INTS7: variants seen among roughly 807,000 people sequenced by gnomAD.
INTS7 encodes the protein chromosome 1 open reading frame 73.
INTS7 carries 46 observed loss-of-function variants against 109.2 expected under a neutral mutation model. The observed-to-expected ratio is 0.42, with a 90% CI of 0.33 to 0.54. INTS7 has a LOEUF of 0.54. Ranked by LOEUF, INTS7 falls within the 20% of genes least tolerant of loss-of-function variation. INTS7 has a pLI of 0.07. For missense variants in INTS7, 929 were observed against 1,132.4 expected (o/e 0.82, Z 2.58); for synonymous variants, 412 against 402.9 (o/e 1.02, Z -0.27).
intron 12 of INTS7, 59 bp from the exon 13 acceptor site, chr1:211,975,431 A>G (rs1194600365): frequency 3.8e-6 from 5 of 1,319,212 alleles, no homozygotes; most frequent in Non-Finnish European, 5.4e-6. Context: ...AGGTTCTTAC[A>G]TTTGAAAGAG....
intron 7 of INTS7, among the ~76,000 whole-genome samples, chr1:212,001,030 A>G (rs1024099948): frequency 5.3e-5 from 8 of 149,914 alleles, no homozygotes; most frequent in Admixed American, 4.0e-4. Flanking sequence ...TAGCAATACC[A>G]TATCATTTCT....
At chr1:211,988,192 G>A (rs1664983357) in intron 7 of INTS7, among the ~76,000 whole-genome samples, 189 bp from the exon 8 acceptor site, 1 of 152,040 alleles carries the variant, frequency 6.6e-6, no homozygotes, top group African/African-American at 2.4e-5. Flanking sequence ...GGAGGCTGAG[G>A]TGGGAGGATC....
chr1:211,986,431 T>C (rs1410604915), intron 8 of INTS7, among the ~76,000 whole-genome samples: 4 of 152,126 alleles, frequency 2.6e-5, no homozygotes, highest in African/African-American at 7.2e-5. Context: ...TAACTGATAA[T>C]GTACTTCAGA....
At chr1:212,015,817 A>G (rs1338253555) in intron 4 of INTS7, among the ~76,000 whole-genome samples, 2 of 151,262 alleles carry the variant, frequency 1.3e-5, no homozygotes, top group Non-Finnish European at 3.0e-5. Flanking sequence ...GCCAAGATAT[A>G]GAGATATAGA....
chr1:212,035,539 C>G lies in INTS7; in HGVS notation c.-102G>C. 1 of 961,524 alleles carries G rather than the reference C, an allele frequency of 1.0e-6. No individual in the cohort carries two copies. The highest frequency in any genetic ancestry group is 1.6e-6 in the Non-Finnish European group (1 of 606,200). The allele number at this position is 961,524 out of a possible 1,614,324, so 59.6% of individuals were successfully genotyped here. A position where few individuals can be genotyped will look rare whatever the true frequency, so the allele number is the denominator to read the frequency against. The stretch of plus-strand genomic sequence containing the variant: ...CCTTCTTGCTGGTTTTTCTTCCGCG[C>G]GCTGTCAAGCCCTGTTACGCATGCG... On this transcript the variant is annotated 5_prime_UTR_variant, in exon 1 of 20. Coordinates refer to ENST00000366994, the MANE Select transcript of INTS7 (RefSeq NM_015434.4).
intron 16 of INTS7, among the ~76,000 whole-genome samples, chr1:211,953,027 C>A (rs1663178128): frequency 6.6e-6 from 1 of 152,106 alleles, no homozygotes; most frequent in South Asian, 2.1e-4. Context: ...ATCAATAAAG[C>A]CAGCAGATAA....
chr1:212,011,572 G>A lies in INTS7; in HGVS notation c.510-151C>T, dbSNP rs921961666. The A allele has an allele frequency of 3.7e-5, 22 of 600,112 alleles. 1 individual carries two copies. The highest frequency in any genetic ancestry group is 2.3e-4 in the Admixed American group (7 of 29,856). 37.2% of individuals were successfully genotyped at this position (600,112 alleles called of 1,614,324 possible). A position where few individuals can be genotyped will look rare whatever the true frequency, so the allele number is the denominator to read the frequency against. On this transcript the variant is annotated intron_variant, in intron 4 of 19. Transcript: ENST00000366994. ...AAGGTCAGGTGCTCGGGTTAGGGGA[G>A]GTGGTAAGAAACACAACTAAAACAA...
rs554698041 is a variant in INTS7 at position 211,940,657 on chromosome 1, GT to G, written c.*1166del. On this transcript the variant is annotated 3_prime_UTR_variant, in exon 20 of 20. Coordinates refer to ENST00000366994, the MANE Select transcript of INTS7 (RefSeq NM_015434.4). ...CAGAATTAAAATAGGAAAAAAGGGG[GT>G]TTTCTGGCTAACCAGAAAACTCTGT... 3.3e-5 allele frequency: 5 copies of G among 152,186 alleles called. No homozygotes were observed. The highest frequency in any genetic ancestry group is 1.2e-4 in the African/African-American group (5 of 41,532). The allele number at this position is 152,186 out of a possible 1,614,324, so 9.4% of individuals were successfully genotyped here.
At chr1:212,003,154 T>C (rs1402299221) in intron 7 of INTS7, among the ~76,000 whole-genome samples, 2 of 151,958 alleles carry the variant, frequency 1.3e-5, no homozygotes, top group African/African-American at 4.8e-5. Flanking sequence ...TCTGAAGAAA[T>C]TACAAGTAAC....
intron 7 of INTS7, among the ~76,000 whole-genome samples, chr1:211,995,859 G>A (rs1665358249): frequency 6.6e-6 from 1 of 152,108 alleles, no homozygotes; most frequent in Non-Finnish European, 1.5e-5. Flanking sequence ...GACAGAAAGT[G>A]GGCCCTCACC....
chr1:211,942,175 T>TAGG lies in INTS7; in HGVS notation c.2602-67_2602-65dup, dbSNP rs1662660338. On this transcript the variant is annotated intron_variant, in intron 19 of 19. Coordinates refer to ENST00000366994, the MANE Select transcript of INTS7 (RefSeq NM_015434.4). The surrounding 1 kb of genome is among the most constrained non-coding windows in gnomAD (Gnocchi z 4.2). Reference sequence around the variant, plus strand: ...CATTTCTTCAGTGCTTACTATGAGTTAGGCCCTGTTCTAAGAGCTTATTTA... The same window carrying TAGG: ...CATTTCTTCAGTGCTTACTATGAGTTAGGAGGCCCTGTTCTAAGAGCTTATTTA... 6.5e-7 allele frequency: 1 copy of TAGG among 1,540,674 alleles called. No individual in the cohort carries two copies. Among genetic ancestry groups the TAGG allele is most frequent in the Non-Finnish European group, 8.9e-7 (1 of 1,129,150 alleles).
intron 7 of INTS7, among the ~76,000 whole-genome samples, chr1:211,998,080 T>A (rs916803673): frequency 6.6e-6 from 1 of 152,166 alleles, no homozygotes; most frequent in East Asian, 1.9e-4. Context: ...CAGCTCAGTC[T>A]CCCAAGTAGC....
intron 10 of INTS7, among the ~76,000 whole-genome samples, 183 bp from the exon 11 acceptor site, chr1:211,978,694 G>A (rs896771984): frequency 1.5e-4 from 23 of 150,900 alleles, no homozygotes; most frequent in African/African-American, 5.6e-4. Flanking sequence ...AGTGCACTAC[G>A]TTTAAAATAA....
intron 2 of INTS7, chr1:212,020,699 T>C (rs1180003627): frequency 5.0e-6 from 5 of 998,452 alleles, no homozygotes; most frequent in South Asian, 4.4e-5. Flanking sequence ...AAAAAGCAAA[T>C]AGGCATGTAT....
At position 211,959,988 on chromosome 1, in the gene INTS7, T is replaced by G. The variant is rs1663544212; in HGVS notation, c.2183+6442A>C. On this transcript the variant is annotated intron_variant, in intron 16 of 19. Coordinates refer to ENST00000366994, the MANE Select transcript of INTS7 (RefSeq NM_015434.4). The surrounding 1 kb of genome is among the most constrained non-coding windows in gnomAD (Gnocchi z 4.2). ...CCCGTTATGCTGCTGTTGCTGCTGC[T>G]GGTATGTGCAACTGAGGATGGATCC... 6.6e-6 allele frequency among the ~76,000 whole-genome samples: 1 copy of G among 152,254 alleles called. No homozygotes were observed. The highest frequency in any genetic ancestry group is 1.5e-5 in the Non-Finnish European group (1 of 68,046).
chr1:211,975,710 A>G (rs1021581154), intron 12 of INTS7, among the ~76,000 whole-genome samples: 2 of 152,222 alleles, frequency 1.3e-5, no homozygotes, highest in Non-Finnish European at 2.9e-5. Context: ...TGAACTATTT[A>G]GTGGGTGAGA....
chr1:211,980,353 C>G (rs1664607163), intron 10 of INTS7, among the ~76,000 whole-genome samples: 1 of 152,226 alleles, frequency 6.6e-6, no homozygotes, highest in African/African-American at 2.4e-5. Flanking sequence ...CTTCTATTAA[C>G]TATGCTTCTC....
In INTS7 at chr1:211,968,918, A is replaced by T. The variant is rs1664032333; in HGVS notation, c.1816-211T>A. Among the ~76,000 whole-genome samples the T allele has an allele frequency of 2.6e-5, 4 of 152,324 alleles. No individual in the cohort carries two copies. In the South Asian group the frequency reaches 8.3e-4, roughly 32 times the overall value. ...GCTCTGAAAAACTGTATGTACAACC[A>T]CTATTCAAAGGTTCCTTACTGCCTA... On this transcript the variant is annotated intron_variant, in intron 13 of 19. Transcript: ENST00000366994.
At chr1:211,951,298 T>G (rs1663074240) in intron 17 of INTS7, among the ~76,000 whole-genome samples, 1 of 151,792 alleles carries the variant, frequency 6.6e-6, no homozygotes, top group Non-Finnish European at 1.5e-5. Flanking sequence ...GTGTTTTTTT[T>G]GTTTGTTTGT....
Sources: allele counts gnomAD v4.1 joint callset (sites outside exome capture counted in the v4.1 genomes callset), GRCh38; gene constraint gnomAD v4.1.1; non-coding constraint Gnocchi (gnomAD v3.1); transcripts MANE v1.5; gene names NCBI Gene and HGNC (gene_info 2026-07-23, HGNC 2026-07-21).